The following GALNT17 variants were observed in gnomAD, a reference collection of about 807,000 sequenced individuals.
GALNT17 encodes the protein polypeptide N-acetylgalactosaminyltransferase 17, also known as UDP-GalNAc:polypeptide N-acetylgalactosaminyltransferase-like 3.
A neutral mutation model predicts 63.7 loss-of-function variants in GALNT17; 29 were observed. The observed-to-expected ratio is 0.46, with a 90% confidence interval of 0.34 to 0.62. GALNT17 has a LOEUF of 0.62. Ranked by LOEUF, GALNT17 falls within the 20% of genes least tolerant of loss-of-function variation. The pLI is 0.01. For missense variants in GALNT17, 603 were observed against 799.6 expected (o/e 0.75, Z 2.97); for synonymous variants, 305 against 318.3 (o/e 0.96, Z 0.45).
chr7:71,636,506 T>C (rs921951466), intron 6 of GALNT17, among the ~76,000 whole-genome samples: 4 of 152,136 alleles, frequency 2.6e-5, no homozygotes, highest in African/African-American at 9.7e-5. Flanking sequence ...GAGGACTGAG[T>C]GACTTCCCAC....
At chr7:71,373,228 A>AATGGTG (rs1792659381) in intron 2 of GALNT17, among the ~76,000 whole-genome samples, 1 of 152,152 alleles carries the variant, frequency 6.6e-6, no homozygotes, top group Non-Finnish European at 1.5e-5. Flanking sequence ...TCTTACCAGG[A>AATGGTG]ATGGTGGAGT....
At chr7:71,550,503 C>G (rs911357586) in intron 5 of GALNT17, among the ~76,000 whole-genome samples, 9 of 152,082 alleles carry the variant, frequency 5.9e-5, no homozygotes, top group Non-Finnish European at 1.2e-4. Flanking sequence ...GCCTCAGCCT[C>G]TTGAGTAGCT....
intron 1 of GALNT17, among the ~76,000 whole-genome samples, chr7:71,179,130 G>C (rs1002076449): frequency 7.9e-5 from 12 of 152,192 alleles, no homozygotes; most frequent in Non-Finnish European, 1.5e-4. Context: ...GAAACGTCAA[G>C]CTGGGAACTG....
intron 6 of GALNT17, among the ~76,000 whole-genome samples, chr7:71,611,784 G>A (rs747784123): frequency 3.9e-5 from 6 of 152,002 alleles, no homozygotes; most frequent in Admixed American, 1.3e-4. Flanking sequence ...GAATAACCTC[G>A]GATGCCCTGA....
chr7:71,605,173 A>G (rs1790026640), intron 6 of GALNT17, among the ~76,000 whole-genome samples: 1 of 152,166 alleles, frequency 6.6e-6, no homozygotes. Context: ...CTTGAATACT[A>G]TGCAGTTAAG....
intron 2 of GALNT17, among the ~76,000 whole-genome samples, chr7:71,344,423 G>A (rs1792055468): frequency 6.6e-6 from 1 of 152,178 alleles, no homozygotes; most frequent in Admixed American, 6.5e-5. Context: ...TTGAATTGTG[G>A]AAGAAAAATT....
intron 5 of GALNT17, among the ~76,000 whole-genome samples, chr7:71,421,988 A>G (rs982640462): frequency 6.6e-6 from 1 of 151,802 alleles, no homozygotes; most frequent in African/African-American, 2.4e-5. Context: ...TGAATGAAAT[A>G]GGTTGATTTC....
intron 1 of GALNT17, among the ~76,000 whole-genome samples, chr7:71,235,987 C>T (rs1356109015): frequency 6.6e-6 from 1 of 152,144 alleles, no homozygotes; most frequent in African/African-American, 2.4e-5. Context: ...CGAGACCAGG[C>T]TAACCAACAT....
chr7:71,482,081 A>ATGTG lies in GALNT17; in HGVS notation c.962+61006_962+61009dup, dbSNP rs10678512. Among the ~76,000 whole-genome samples, 589 of 138,226 alleles carry ATGTG rather than the reference A, an allele frequency of 4.3e-3. 3 individuals carry two copies. The highest frequency in any genetic ancestry group is 0.013 in the African/African-American group (462 of 35,856). The allele number at this position is 138,226 out of a possible 152,430, so 90.7% of individuals were successfully genotyped here. A position where few individuals can be genotyped will look rare whatever the true frequency, so the allele number is the denominator to read the frequency against. On this transcript the variant is annotated intron_variant, in intron 5 of 10. Coordinates refer to ENST00000333538, the MANE Select transcript of GALNT17 (RefSeq NM_022479.3). ...GATGTATAGGTATACATATATGTAT[A>ATGTG]TGTGTGTGTGTGTGTGTGTGTGTGT...
At chr7:71,155,342 C>T (rs1236157637) in intron 1 of GALNT17, among the ~76,000 whole-genome samples, 2 of 151,694 alleles carry the variant, frequency 1.3e-5, no homozygotes, top group African/African-American at 4.9e-5. Context: ...GGCATGATCT[C>T]GGCTCACTGC....
rs572366997 is a variant in GALNT17, at chr7:71,603,116, A to G, written c.1080+31714A>G. On this transcript the variant is annotated intron_variant, in intron 6 of 10. Transcript: ENST00000333538. ...ATGCTAAGTGCATATACCAGATACTATGCTAAGTGCATATACCAGATACTA... is the reference window on the plus strand; with the variant it reads ...ATGCTAAGTGCATATACCAGATACTGTGCTAAGTGCATATACCAGATACTA... Among the ~76,000 whole-genome samples the G allele has an allele frequency of 1.8e-4, 28 of 151,426 alleles. No homozygotes were observed. The South Asian group carries it at 5.6e-3, about 31-fold the overall frequency.
At chr7:71,233,334 C>T (rs1789828445) in intron 1 of GALNT17, among the ~76,000 whole-genome samples, 1 of 152,138 alleles carries the variant, frequency 6.6e-6, no homozygotes, top group African/African-American at 2.4e-5. Context: ...GGCGAGGGAG[C>T]TGGGCAGTCC....
At chr7:71,643,603 C>T (rs1790634391) in intron 6 of GALNT17, among the ~76,000 whole-genome samples, 1 of 152,192 alleles carries the variant, frequency 6.6e-6, no homozygotes, top group Non-Finnish European at 1.5e-5. Flanking sequence ...GCTAAGGTGG[C>T]TTTCTTTCTG....
chr7:71,166,157 G>A lies in GALNT17; in HGVS notation c.238+33117G>A, dbSNP rs73188441. Reference sequence around the variant, plus strand: ...TTTTTCTTTGCAAATGGACGTTGGCGCTCAATGTAGAGCAGCCTTGTAGCG... The same window carrying A: ...TTTTTCTTTGCAAATGGACGTTGGCACTCAATGTAGAGCAGCCTTGTAGCG... On this transcript the variant is annotated intron_variant, in intron 1 of 10. Coordinates refer to ENST00000333538, the MANE Select transcript of GALNT17 (RefSeq NM_022479.3). Among the ~76,000 whole-genome samples, 1,072 of 152,308 alleles carry A rather than the reference G, an allele frequency of 7.0e-3. 6 individuals carry two copies. The highest frequency in any genetic ancestry group is 0.01 in the Non-Finnish European group (698 of 68,028).
chr7:71,188,570 A>G lies in GALNT17; in HGVS notation c.238+55530A>G, dbSNP rs1788894869. ...ATTCATGTCCTTAGCCCACTTTTTGATGGGATTGTTTGCTTTTTTCTTGAT... is the reference window on the plus strand; with the variant it reads ...ATTCATGTCCTTAGCCCACTTTTTGGTGGGATTGTTTGCTTTTTTCTTGAT... On this transcript the variant is annotated intron_variant, in intron 1 of 10. Coordinates refer to ENST00000333538, the MANE Select transcript of GALNT17 (RefSeq NM_022479.3). Among the ~76,000 whole-genome samples the G allele has an allele frequency of 2.0e-5, 3 of 151,786 alleles. No individual in the cohort carries two copies. In the South Asian group the frequency reaches 6.2e-4, roughly 32 times the overall value.
intron 5 of GALNT17, among the ~76,000 whole-genome samples, chr7:71,530,124 C>T (rs1445879383): frequency 1.3e-5 from 2 of 152,090 alleles, no homozygotes; most frequent in African/African-American, 2.4e-5. Context: ...TTCCACTTAC[C>T]TGGTCAACTG....
At chr7:71,232,158 G>A (rs1789802001) in intron 1 of GALNT17, among the ~76,000 whole-genome samples, 1 of 152,138 alleles carries the variant, frequency 6.6e-6, no homozygotes, top group Admixed American at 6.5e-5. Flanking sequence ...GGGATGTAAG[G>A]TCATGAGTCA....
At chr7:71,441,210 A>G (rs1402538456) in intron 5 of GALNT17, among the ~76,000 whole-genome samples, 3 of 152,072 alleles carry the variant, frequency 2.0e-5, no homozygotes, top group African/African-American at 7.2e-5. Context: ...TTTAGTAGAG[A>G]CAGGGTTTCA....
At chr7:71,418,506 A>C (rs936350870) in intron 4 of GALNT17, among the ~76,000 whole-genome samples, 4 of 152,192 alleles carry the variant, frequency 2.6e-5, no homozygotes, top group African/African-American at 9.7e-5. Flanking sequence ...CTGAGAGTCA[A>C]GGAATCCTCC....
Sources: gnomAD v4.1 joint callset for allele counts (sites outside exome capture counted in the v4.1 genomes callset) on GRCh38, gnomAD v4.1.1 for gene constraint, MANE v1.5 for transcripts, NCBI Gene and HGNC (gene_info 2026-07-23, HGNC 2026-07-21) for gene names.